The following BTBD9 variants were observed in gnomAD, a reference collection of about 807,000 sequenced individuals.
The protein encoded by BTBD9 is BTB/POZ domain-containing protein 9.
BTBD9 carries 49 observed loss-of-function variants against 64.3 expected under a neutral mutation model. The ratio of observed to expected loss-of-function variants is 0.76; its 90% CI spans 0.61 to 0.97. The LOEUF (loss-of-function observed/expected upper bound fraction) is 0.97. Ranked by LOEUF, BTBD9 falls within the 50% of genes least tolerant of loss-of-function variation. The pLI is 0.00. For synonymous variants in BTBD9, 260 were observed against 274.7 expected, an observed-to-expected ratio of 0.95 and a Z score of 0.53; for missense variants, 598 against 762.1, an observed-to-expected ratio of 0.78 and a Z score of 2.53.
At chr6:38,595,829 A>G (rs1434249033) in intron 2 of BTBD9, 1 of 985,266 alleles carries the variant, frequency 1.0e-6, no homozygotes, top group Non-Finnish European at 1.2e-6. Context: ...TAATCCAGAG[A>G]GCATCCAACC....
At position 38,297,122 on chromosome 6, in the gene BTBD9, C is replaced by T. The variant is rs113617415; in HGVS notation, c.1265-8661G>A. Among the ~76,000 whole-genome samples, 413 of 152,286 alleles carry T rather than the reference C, an allele frequency of 2.7e-3. 5 individuals carry two copies. The highest frequency in any genetic ancestry group is 8.6e-3 in the African/African-American group (359 of 41,556). On this transcript the variant is annotated intron_variant, in intron 7 of 10. Transcript: ENST00000481247. Reference sequence around the variant, plus strand: ...GTGGCTCACGCCTGTAATCCCAGCACTTTGGGAGGCTGAGGTGGGCGGATC... The same window carrying T: ...GTGGCTCACGCCTGTAATCCCAGCATTTTGGGAGGCTGAGGTGGGCGGATC...
chr6:38,203,702 T>C (rs1251164033), intron 9 of BTBD9, among the ~76,000 whole-genome samples: 1 of 151,360 alleles, frequency 6.6e-6, no homozygotes, highest in Admixed American at 6.6e-5. Flanking sequence ...AAAAACTTGA[T>C]CATATGAAGA....
chr6:38,639,192 G>A (rs922173926), intron 1 of BTBD9, among the ~76,000 whole-genome samples: 1 of 152,204 alleles, frequency 6.6e-6, no homozygotes, highest in Non-Finnish European at 1.5e-5. Flanking sequence ...TAACAACAAT[G>A]TACTAAAACG....
chr6:38,476,659 A>G (rs1434704092), intron 6 of BTBD9, among the ~76,000 whole-genome samples: 3 of 152,242 alleles, frequency 2.0e-5, no homozygotes, highest in Non-Finnish European at 4.4e-5. Context: ...AAAATAATAC[A>G]AATAACAAAG....
At chr6:38,358,929 G>A (rs56321884) in intron 6 of BTBD9, among the ~76,000 whole-genome samples, 24 of 151,640 alleles carry the variant, frequency 1.6e-4, no homozygotes, top group Non-Finnish European at 3.2e-4. Flanking sequence ...CCGCCACCGC[G>A]CCCGGCTAAT....
At chr6:38,273,642 A>C (rs1212462058) in intron 8 of BTBD9, among the ~76,000 whole-genome samples, 1 of 152,176 alleles carries the variant, frequency 6.6e-6, no homozygotes, top group East Asian at 1.9e-4. Flanking sequence ...ATACCAGAGA[A>C]TCAGAGTAAA....
chr6:38,276,061 G>A (rs1448333023), intron 8 of BTBD9, among the ~76,000 whole-genome samples: 1 of 152,140 alleles, frequency 6.6e-6, no homozygotes, highest in African/African-American at 2.4e-5. Flanking sequence ...TATGTTTATT[G>A]CGGCACTATT....
rs1316668368 is a variant in BTBD9 at position 38,440,164 on chromosome 6, C to T, written c.1155-95071G>A. ...GTTCAGCATAGATATAGTTTAAAGC[C>T]CTTGAGACTTGATTGAGGTCACCAA... On this transcript the variant is annotated intron_variant, in intron 6 of 10. Transcript: ENST00000481247. Among the ~76,000 whole-genome samples the T allele has an allele frequency of 2.6e-5, 4 of 152,084 alleles. No individual in the cohort carries two copies. In the South Asian group the frequency reaches 6.2e-4, roughly 24 times the overall value.
chr6:38,371,563 T>C (rs542122906), intron 6 of BTBD9, among the ~76,000 whole-genome samples: 2 of 152,204 alleles, frequency 1.3e-5, no homozygotes, highest in Non-Finnish European at 2.9e-5. Flanking sequence ...GGATGACTTC[T>C]CAAGGTCACT....
At chr6:38,501,292 T>C (rs573332075) in intron 6 of BTBD9, among the ~76,000 whole-genome samples, 51 of 152,286 alleles carry the variant, frequency 3.3e-4, no homozygotes, top group African/African-American at 1.2e-3. Flanking sequence ...AAAATGCTCA[T>C]TGGAGCATTT....
At chr6:38,411,408 G>T (rs895189529) in intron 6 of BTBD9, among the ~76,000 whole-genome samples, 1 of 152,176 alleles carries the variant, frequency 6.6e-6, no homozygotes, top group Non-Finnish European at 1.5e-5. Flanking sequence ...ATTTGAAATT[G>T]TATGTTTATT....
chr6:38,419,775 C>A (rs907463869), intron 6 of BTBD9, among the ~76,000 whole-genome samples: 1 of 152,066 alleles, frequency 6.6e-6, no homozygotes, highest in Non-Finnish European at 1.5e-5. Context: ...GAGGCTAAGG[C>A]GGGAGAATCG....
chr6:38,330,189 G>T (rs1763619738), intron 7 of BTBD9, among the ~76,000 whole-genome samples: 1 of 151,982 alleles, frequency 6.6e-6, no homozygotes, highest in Non-Finnish European at 1.5e-5. Flanking sequence ...TGAATAGCTG[G>T]CATTACAGGC....
intron 9 of BTBD9, among the ~76,000 whole-genome samples, chr6:38,224,633 A>G (rs1763327107): frequency 6.6e-6 from 1 of 152,244 alleles, no homozygotes; most frequent in African/African-American, 2.4e-5. Flanking sequence ...AATACAAAAG[A>G]AAAAACTTGT....
intron 9 of BTBD9, among the ~76,000 whole-genome samples, chr6:38,232,186 C>A (rs1181302415): frequency 6.6e-6 from 1 of 152,042 alleles, no homozygotes. Flanking sequence ...TCCGACTGCA[C>A]AGAGCTGCCC....
chr6:38,282,419 G>A (rs1363887930), intron 8 of BTBD9, among the ~76,000 whole-genome samples: 6 of 152,174 alleles, frequency 3.9e-5, no homozygotes, highest in Non-Finnish European at 8.8e-5. Context: ...CTGTTAAATG[G>A]TAAGTTAGGA....
intron 9 of BTBD9, among the ~76,000 whole-genome samples, chr6:38,228,350 C>CA (rs1367040263): frequency 2.5e-4 from 13 of 51,092 alleles, no homozygotes; most frequent in African/African-American, 7.1e-4. Flanking sequence ...GTCCCCCCCC[C>CA]CAAAAAAAAA....
chr6:38,219,681 C>T (rs576127439), intron 9 of BTBD9, among the ~76,000 whole-genome samples: 2 of 152,144 alleles, frequency 1.3e-5, no homozygotes. Flanking sequence ...TGTGTTCTTA[C>T]AGTAAAATGA....
chr6:38,281,433 TTTATTA>T, intron 8 of BTBD9, among the ~76,000 whole-genome samples: 1 of 152,308 alleles, frequency 6.6e-6, no homozygotes, highest in African/African-American at 2.4e-5. Context: ...ATGTAATTCT[TTTATTA>T]TTATTATTTT....
Sources: allele counts gnomAD v4.1 joint callset (sites outside exome capture counted in the v4.1 genomes callset), GRCh38; gene constraint gnomAD v4.1.1; transcripts MANE v1.5; gene names NCBI Gene and HGNC (gene_info 2026-07-23, HGNC 2026-07-21).